KAZN: variants seen among roughly 807,000 people sequenced by gnomAD.
KAZN encodes the protein kazrin, periplakin interacting protein, also known as kazrin.
KAZN carries 40 observed loss-of-function variants against 87.4 expected under a neutral mutation model. The ratio of observed to expected loss-of-function variants is 0.46; its 90% CI spans 0.36 to 0.60. The LOEUF (loss-of-function observed/expected upper bound fraction) is 0.60. Ranked by LOEUF, KAZN falls within the 20% of genes least tolerant of loss-of-function variation. The pLI is 0.00. For missense variants in KAZN, 898 were observed against 1,073.9 expected (o/e 0.84, Z 2.29); for synonymous variants, 466 against 458.3 (o/e 1.02, Z -0.22).
intron 2 of KAZN, among the ~76,000 whole-genome samples, chr1:14,333,727 G>C (rs976931270): frequency 2.0e-5 from 3 of 152,186 alleles, no homozygotes; most frequent in Non-Finnish European, 4.4e-5. Flanking sequence ...GGGCTGGTGG[G>C]GGGTGTCGCT....
chr1:13,988,447 G>A (rs147161750), intron 1 of KAZN, among the ~76,000 whole-genome samples: 1 of 152,044 alleles, frequency 6.6e-6, no homozygotes, highest in Admixed American at 6.6e-5. Flanking sequence ...ACCTAGTAGG[G>A]TTCTTTTACT....
chr1:13,956,514 A>G (rs1641556500), intron 1 of KAZN, among the ~76,000 whole-genome samples: 1 of 151,638 alleles, frequency 6.6e-6, no homozygotes, highest in Non-Finnish European at 1.5e-5. Flanking sequence ...TTTAGGAGAA[A>G]TATTTCTTAG....
At chr1:14,634,226 T>A (rs1679794702) in intron 1 of KAZN, among the ~76,000 whole-genome samples, 1 of 152,210 alleles carries the variant, frequency 6.6e-6, no homozygotes. Flanking sequence ...ATATTGGCAC[T>A]TGAACTATTC....
At chr1:14,260,269 G>A (rs1650908070) in intron 2 of KAZN, among the ~76,000 whole-genome samples, 1 of 152,170 alleles carries the variant, frequency 6.6e-6, no homozygotes, top group South Asian at 2.1e-4. Context: ...GGAGGCACAC[G>A]ATAAACAAAA....
intron 13 of KAZN, among the ~76,000 whole-genome samples, chr1:15,108,685 C>G (rs116653542): frequency 0.015 from 2,335 of 152,276 alleles, 56 homozygotes; most frequent in African/African-American, 0.049. Flanking sequence ...GCTGGCCCAC[C>G]TGGTGGAGGC....
chr1:14,343,207 C>T (rs1328273853), intron 2 of KAZN, among the ~76,000 whole-genome samples: 1 of 152,090 alleles, frequency 6.6e-6, no homozygotes, highest in Admixed American at 6.5e-5. Context: ...ATTTCACATC[C>T]CACCTAGTGC....
At chr1:14,973,700 G>A (rs10927605) in intron 2 of KAZN, among the ~76,000 whole-genome samples, 59,425 of 151,844 alleles carry the variant, frequency 0.39, 13,610 homozygotes, top group African/African-American at 0.64. Flanking sequence ...CAAAGGCAAG[G>A]AGGAAAAAAG....
chr1:14,578,036 C>A (rs765566331), intron 2 of KAZN, among the ~76,000 whole-genome samples: 47 of 152,074 alleles, frequency 3.1e-4, no homozygotes, highest in Admixed American at 1.4e-3. Flanking sequence ...TCTTCTCACC[C>A]GTACACTGAG....
In KAZN at chr1:14,008,968, C is replaced by T. The variant is rs183291278; in HGVS notation, c.91+115212C>T. Among the ~76,000 whole-genome samples, 169 of 152,252 alleles carry T rather than the reference C, an allele frequency of 1.1e-3. 1 individual carries two copies. The highest frequency in any genetic ancestry group is 3.4e-3 in the Middle Eastern group (1 of 294). ...GCCATTAAACAGTAACTCCCCATTC[C>T]CCACTCTCCCAGCCCCTGGCGACTA... is the stretch of plus-strand genomic sequence containing the variant. On this transcript the variant is annotated intron_variant, in intron 1 of 16. Transcript: ENST00000636203.
intron 1 of KAZN, among the ~76,000 whole-genome samples, chr1:14,800,751 T>C (rs1416582487): frequency 6.6e-6 from 1 of 152,128 alleles, no homozygotes; most frequent in Non-Finnish European, 1.5e-5. Flanking sequence ...CCCTTGAAAA[T>C]GTGATGCTAT....
intron 2 of KAZN, among the ~76,000 whole-genome samples, chr1:14,325,936 G>A (rs989877245): frequency 4.6e-5 from 7 of 151,904 alleles, no homozygotes; most frequent in Admixed American, 6.6e-5. Flanking sequence ...TCTTAGTGGC[G>A]GGATCCCTGG....
intron 1 of KAZN, among the ~76,000 whole-genome samples, chr1:14,902,849 C>A (rs987461624): frequency 6.6e-6 from 1 of 150,492 alleles, no homozygotes; most frequent in African/African-American, 2.4e-5. Flanking sequence ...TATAAATAAT[C>A]TTTTGTTCCT....
intron 1 of KAZN, among the ~76,000 whole-genome samples, chr1:14,656,595 C>G (rs1255033591): frequency 1.3e-5 from 2 of 152,226 alleles, no homozygotes; most frequent in Admixed American, 6.5e-5. Context: ...GCAGGCCCTA[C>G]AGTAAGCACG....
At chr1:14,111,854 CTCAGCCTCCTGAGTAGCTGGGA>C (rs1210537897) in intron 1 of KAZN, among the ~76,000 whole-genome samples, 1 of 151,872 alleles carries the variant, frequency 6.6e-6, no homozygotes. Flanking sequence ...ATTCTCCTGC[CTCAGCCTCCTGAGTAGCTGGGA>C]CTACAGCTGC....
At chr1:14,113,360 G>A (rs184716422) in intron 1 of KAZN, among the ~76,000 whole-genome samples, 6 of 152,264 alleles carry the variant, frequency 3.9e-5, no homozygotes, top group East Asian at 3.9e-4. Flanking sequence ...AAGAGCCAGC[G>A]TCACACCACA....
chr1:14,148,676 T>C lies in KAZN; in HGVS notation c.92-31759T>C, dbSNP rs184958758. Among the ~76,000 whole-genome samples the C allele has an allele frequency of 1.6e-3, 251 of 152,316 alleles. 2 individuals are homozygous for C. Among genetic ancestry groups the C allele is most frequent in the African/African-American group, 5.5e-3 (230 of 41,566 alleles). ...TCCTTCAATGCCAGGAAATCCTTGG[T>C]GGTCTGTTTATACTCAAGAATGAGT... On this transcript the variant is annotated intron_variant, in intron 1 of 16. Transcript: ENST00000636203.
At chr1:15,110,998 T>C (rs1340487918) in intron 13 of KAZN, among the ~76,000 whole-genome samples, 5 of 152,210 alleles carry the variant, frequency 3.3e-5, no homozygotes, top group African/African-American at 7.2e-5. Flanking sequence ...CAATTACAGC[T>C]GCTTCCCCAC....
intron 2 of KAZN, among the ~76,000 whole-genome samples, chr1:14,293,331 G>A (rs576829094): frequency 1.8e-4 from 28 of 152,132 alleles, no homozygotes; most frequent in Non-Finnish European, 3.2e-4. Context: ...TGACATGTCC[G>A]CATCTGGCAT....
At chr1:14,295,706 A>G (rs989654399) in intron 2 of KAZN, among the ~76,000 whole-genome samples, 1 of 152,186 alleles carries the variant, frequency 6.6e-6, no homozygotes, top group South Asian at 2.1e-4. Flanking sequence ...ATACACCAAT[A>G]CCTAGTTAAT....
Sources: allele counts gnomAD v4.1 joint callset (sites outside exome capture counted in the v4.1 genomes callset), GRCh38; gene constraint gnomAD v4.1.1; transcripts MANE v1.5; gene names NCBI Gene and HGNC (gene_info 2026-07-23, HGNC 2026-07-21).